PDZD9: variants seen among roughly 807,000 people sequenced by gnomAD.
PDZD9 encodes the protein PDZ domain-containing protein 9.
Under a neutral mutation model 16.3 loss-of-function variants are expected in PDZD9, and 13 were observed. The observed-to-expected ratio is 0.80, with a 90% CI of 0.52 to 1.27. The LOEUF is 1.27. PDZD9 is among the 50% of genes most tolerant of loss of function. PDZD9 has a pLI of 0.00. For missense variants in PDZD9, 288 were observed against 310.9 expected, an observed-to-expected ratio of 0.93 and a Z score of 0.55; for synonymous variants, 120 against 111.0, an observed-to-expected ratio of 1.08 and a Z score of -0.51.
the PDZD9 span, among the ~76,000 whole-genome samples, chr16:21,958,314 A>G: frequency 6.6e-6 from 1 of 152,232 alleles, no homozygotes; most frequent in Non-Finnish European, 1.5e-5. Flanking sequence ...GAATCCAGTA[A>G]GCTTGTATTT....
the PDZD9 span, among the ~76,000 whole-genome samples, chr16:21,968,262 A>G: frequency 6.6e-6 from 1 of 152,142 alleles, no homozygotes; most frequent in Non-Finnish European, 1.5e-5. Flanking sequence ...TTGGCCTCCC[A>G]GAGTGCTGGG....
the PDZD9 span, chr16:21,968,782 A>T: frequency 1.8e-6 from 2 of 1,094,512 alleles, no homozygotes; most frequent in Non-Finnish European, 2.5e-6. Context: ...AAATTTGAAA[A>T]CTTCGGCCTT....
downstream of PDZD9, among the ~76,000 whole-genome samples, chr16:21,981,923 C>T (rs1287116879): frequency 6.6e-6 from 1 of 151,036 alleles, no homozygotes; most frequent in Non-Finnish European, 1.5e-5. Flanking sequence ...TCAGTACAAC[C>T]TCCGCCTCCC....
the PDZD9 span, chr16:21,971,850 G>A: frequency 1.3e-6 from 2 of 1,596,578 alleles, no homozygotes; most frequent in South Asian, 2.2e-5. Flanking sequence ...CTGTGTTGTA[G>A]GAAATACTGG....
intron 1 of PDZD9, among the ~76,000 whole-genome samples, 160 bp from the exon 2 acceptor site, chr16:21,996,661 C>T (rs1224687317): frequency 1.3e-5 from 2 of 152,098 alleles, no homozygotes; most frequent in Admixed American, 1.3e-4. Flanking sequence ...CCTTGGAGAG[C>T]TCTTCTGAAA....
the PDZD9 span, among the ~76,000 whole-genome samples, chr16:21,973,629 A>G: frequency 2.6e-5 from 4 of 152,238 alleles, no homozygotes; most frequent in African/African-American, 9.6e-5. Flanking sequence ...ACCTTTAATC[A>G]TCTAAAGCAG....
intron 2 of PDZD9, chr16:21,995,328 T>G (rs1284792216): frequency 6.8e-6 from 3 of 441,304 alleles, no homozygotes; most frequent in Non-Finnish European, 1.4e-5. Context: ...CATGAGCCAA[T>G]TAAACCTCTT....
the PDZD9 span, chr16:21,965,322 G>T: frequency 9.6e-5 from 125 of 1,304,470 alleles, no homozygotes; most frequent in Middle Eastern, 7.6e-4. Flanking sequence ...GACCAAATTT[G>T]TATAGGCTTG....
At chr16:21,994,978 G>C (rs546437308) in intron 2 of PDZD9, among the ~76,000 whole-genome samples, 1 of 151,864 alleles carries the variant, frequency 6.6e-6, no homozygotes, top group Non-Finnish European at 1.5e-5. Flanking sequence ...TTACGGGCAC[G>C]CACCATGCCG....
At chr16:21,961,427 A>C in the PDZD9 span, 2 of 305,212 alleles carry the variant, frequency 6.6e-6, no homozygotes, top group South Asian at 5.2e-5. Context: ...TGAAGGGCAA[A>C]ATAGAGTGTG....
chr16:21,976,299 T>C, the PDZD9 span: 1 of 1,415,422 alleles, frequency 7.1e-7, no homozygotes, highest in Middle Eastern at 1.8e-4. Flanking sequence ...GTTGTATTCT[T>C]TTCAGATTAT....
At position 21,988,636 on chromosome 16, in the gene PDZD9, C is replaced by A. The variant is rs2141956346; in HGVS notation, c.367G>T (p.Asp123Tyr). 1 of 1,612,836 alleles carries A rather than the reference C, an allele frequency of 6.2e-7. No homozygotes were observed. The highest frequency in any genetic ancestry group is 1.1e-5 in the South Asian group (1 of 90,928). The change falls in exon 3 of 4, where the codon GAT (aspartate) becomes TAT (tyrosine). Residue 123 changes from aspartate to tyrosine, a missense_variant. By Grantham distance (160) the Asp-to-Tyr change is radical (BLOSUM62 -3). Transcript: ENST00000424898. The stretch of plus-strand genomic sequence containing the variant: ...GGGAATTTGGCCTCAGGGATTAAAT[C>A]ATATATTTCTTGCCATTCTTCAGGA... Reference protein sequence around the residue: ...NIPEEWQEIYDLIPEAKFPVT... With the variant: ...NIPEEWQEIYYLIPEAKFPVT...
chr16:21,971,514 T>C, the PDZD9 span: 1 of 1,595,410 alleles, frequency 6.3e-7, no homozygotes, highest in Non-Finnish European at 8.5e-7. Flanking sequence ...TTTTTGCTTC[T>C]GTTGAAACAG....
the PDZD9 span, among the ~76,000 whole-genome samples, chr16:21,972,702 C>A: frequency 1.3e-5 from 2 of 152,042 alleles, no homozygotes; most frequent in African/African-American, 4.8e-5. Context: ...TGGTGAAACC[C>A]CCATCTCTCC....
At position 21,996,516 on chromosome 16, in the gene PDZD9, G is replaced by A. The variant is rs1434674301; in HGVS notation, c.32-15C>T. On this transcript the variant is annotated splice_polypyrimidine_tract_variant and intron_variant, in intron 1 of 3. Transcript: ENST00000424898. ...GACTCCTCTTTCTAACCAAAAGAGG[G>A]GAACTTATTTCAGTCCTTCACCAAG... 4 of 1,528,358 alleles carry A rather than the reference G, an allele frequency of 2.6e-6. No homozygotes were observed. Among genetic ancestry groups the A allele is most frequent in the Non-Finnish European group, 3.5e-6 (4 of 1,140,824 alleles). 94.7% of individuals were successfully genotyped at this position (1,528,358 alleles called of 1,614,324 possible).
At chr16:21,959,148 T>C in the PDZD9 span, among the ~76,000 whole-genome samples, 1 of 152,168 alleles carries the variant, frequency 6.6e-6, no homozygotes, top group East Asian at 1.9e-4. Flanking sequence ...GATAATTTCT[T>C]AAAATCAGAC....
the PDZD9 span, among the ~76,000 whole-genome samples, chr16:21,966,572 A>T: frequency 6.6e-6 from 1 of 152,194 alleles, no homozygotes; most frequent in Non-Finnish European, 1.5e-5. Context: ...TTTTATTCTT[A>T]GTTAGCTGTT....
At chr16:21,972,487 G>C in the PDZD9 span, among the ~76,000 whole-genome samples, 1 of 152,112 alleles carries the variant, frequency 6.6e-6, no homozygotes, top group Non-Finnish European at 1.5e-5. Context: ...GTTACTTCCT[G>C]AATCTCACTA....
At chr16:21,980,541 G>A, downstream of PDZD9, 1 of 1,611,738 alleles carries the variant, frequency 6.2e-7, no homozygotes, top group Non-Finnish European at 8.5e-7. Context: ...GCCTTTTATT[G>A]GACAGGAACA....
Sources: allele counts gnomAD v4.1 joint callset (sites outside exome capture counted in the v4.1 genomes callset), GRCh38; gene constraint gnomAD v4.1.1; transcripts MANE v1.5; gene names NCBI Gene and HGNC (gene_info 2026-07-23, HGNC 2026-07-21).